Variants in GALNT7 observed in about 807,000 individuals in gnomAD.
GALNT7 encodes polypeptide N-acetylgalactosaminyltransferase 7.
Under a neutral mutation model 82.1 loss-of-function variants are expected in GALNT7, and 60 were observed. The ratio of observed to expected loss-of-function variants is 0.73; its 90% CI spans 0.59 to 0.91. GALNT7 has a LOEUF of 0.91. GALNT7 is among the 40% of genes least tolerant of loss of function. GALNT7 has a pLI of 0.00. For synonymous variants in GALNT7, 243 were observed against 275.1 expected (o/e 0.88, Z 1.15); for missense variants, 660 against 804.2 (o/e 0.82, Z 2.17).
In GALNT7 at chr4:173,320,431, C is replaced by CA. The variant is rs575479933; in HGVS notation, c.1837-1143dup. On this transcript the variant is annotated intron_variant, in intron 11 of 11. Transcript: ENST00000265000. This position sits in a 1 kb window ranked among gnomAD's most constrained non-coding sequence, Gnocchi z 4.1. ...AATGAAAAATAACTATGTTTACCCACAAAAAATAGTGAGAAGAATGGAATT... is the reference window on the plus strand; with the variant it reads ...AATGAAAAATAACTATGTTTACCCACAAAAAAATAGTGAGAAGAATGGAATT... Among the ~76,000 whole-genome samples the CA allele has an allele frequency of 6.9e-3, 1,055 of 152,180 alleles. 6 individuals carry two copies. The highest frequency in any genetic ancestry group is 0.019 in the South Asian group (92 of 4,824).
intron 1 of GALNT7, among the ~76,000 whole-genome samples, chr4:173,220,798 A>G (rs1382714759): frequency 1.3e-5 from 2 of 151,928 alleles, no homozygotes; most frequent in Admixed American, 1.3e-4. Context: ...GATAATTTCC[A>G]ACTTCATCCA....
At chr4:173,309,049 A>G (rs185587977) in intron 8 of GALNT7, among the ~76,000 whole-genome samples, 4 of 152,264 alleles carry the variant, frequency 2.6e-5, no homozygotes, top group East Asian at 3.8e-4. Context: ...TTGATAATCT[A>G]TATTTTACCA....
intron 1 of GALNT7, among the ~76,000 whole-genome samples, chr4:173,224,809 C>CGG (rs1733758308): frequency 6.6e-6 from 1 of 151,480 alleles, no homozygotes; most frequent in Non-Finnish European, 1.5e-5. Context: ...TCAGGAGATC[C>CGG]AGACCATCCT....
chr4:173,283,846 A>C (rs1456399332), intron 2 of GALNT7, among the ~76,000 whole-genome samples: 2 of 152,198 alleles, frequency 1.3e-5, no homozygotes, highest in African/African-American at 4.8e-5. Flanking sequence ...TTGTTGCAAA[A>C]TAAAGTAGAT....
intron 1 of GALNT7, among the ~76,000 whole-genome samples, chr4:173,183,967 C>T (rs1364604325): frequency 3.4e-4 from 52 of 151,176 alleles, no homozygotes; most frequent in Admixed American, 5.9e-4. Flanking sequence ...GACGGGGTCG[C>T]GGCCGGGCAG....
At chr4:173,263,833 T>C (rs1362488945) in intron 2 of GALNT7, among the ~76,000 whole-genome samples, 1 of 152,142 alleles carries the variant, frequency 6.6e-6, no homozygotes, top group Non-Finnish European at 1.5e-5. Context: ...TTTTTTAAAG[T>C]CTAGAGATAG....
intron 1 of GALNT7, among the ~76,000 whole-genome samples, chr4:173,210,710 G>C (rs28601896): frequency 6.6e-6 from 1 of 152,084 alleles, no homozygotes; most frequent in East Asian, 1.9e-4. Context: ...AGGATTGCAG[G>C]GGTGAGCCAC....
rs114783567 is a variant in GALNT7 at position 173,251,732 on chromosome 4, G to A, written c.587+3292G>A. Among the ~76,000 whole-genome samples, 1,183 of 152,246 alleles carry A rather than the reference G, an allele frequency of 7.8e-3. 14 individuals carry two copies. Among genetic ancestry groups the A allele is most frequent in the African/African-American group, 0.027 (1,105 of 41,528 alleles). On this transcript the variant is annotated intron_variant, in intron 2 of 11. Coordinates refer to ENST00000265000, the MANE Select transcript of GALNT7 (RefSeq NM_017423.3). Reference sequence around the variant, plus strand: ...TTTCCTCTGGCACAACTGGAGCAGTGCCTAGAAATAGGACATTGCATGTTT... The same window carrying A: ...TTTCCTCTGGCACAACTGGAGCAGTACCTAGAAATAGGACATTGCATGTTT...
intron 1 of GALNT7, among the ~76,000 whole-genome samples, chr4:173,183,688 C>G (rs556498614): frequency 2.0e-5 from 3 of 151,790 alleles, no homozygotes; most frequent in African/African-American, 4.8e-5. Context: ...ACGGGGCGGC[C>G]GGGCAGAAGC....
At chr4:173,211,805 C>G (rs1733292738) in intron 1 of GALNT7, among the ~76,000 whole-genome samples, 1 of 152,158 alleles carries the variant, frequency 6.6e-6, no homozygotes, top group African/African-American at 2.4e-5. Context: ...TTTTCTGAAA[C>G]TGCTTTTAAA....
At chr4:173,252,490 A>G (rs1411719083) in intron 2 of GALNT7, among the ~76,000 whole-genome samples, 1 of 152,134 alleles carries the variant, frequency 6.6e-6, no homozygotes, top group Non-Finnish European at 1.5e-5. Context: ...TCTTCCCTAG[A>G]AGCAGGAGAG....
intron 1 of GALNT7, among the ~76,000 whole-genome samples, chr4:173,197,952 C>T (rs903601916): frequency 1.3e-5 from 2 of 152,170 alleles, no homozygotes; most frequent in Admixed American, 6.5e-5. Context: ...CCCAGGGCTG[C>T]CATGAGGGTT....
chr4:173,176,924 C>T (rs1018375096), intron 1 of GALNT7, among the ~76,000 whole-genome samples: 3 of 151,976 alleles, frequency 2.0e-5, no homozygotes, highest in Admixed American at 6.6e-5. Flanking sequence ...GAATTATGTC[C>T]GAAGGATATA....
At chr4:173,245,669 A>G (rs964348649) in intron 1 of GALNT7, among the ~76,000 whole-genome samples, 17 of 152,206 alleles carry the variant, frequency 1.1e-4, no homozygotes, top group Non-Finnish European at 2.2e-4. Flanking sequence ...ATATCTCTAT[A>G]TTAATTTACT....
At chr4:173,201,035 A>G (rs1732929314) in intron 1 of GALNT7, among the ~76,000 whole-genome samples, 1 of 152,230 alleles carries the variant, frequency 6.6e-6, no homozygotes, top group Non-Finnish European at 1.5e-5. Flanking sequence ...TATCCATCAC[A>G]AATAAATGTG....
At chr4:173,182,311 TTAAGG>T (rs1440537167) in intron 1 of GALNT7, among the ~76,000 whole-genome samples, 6 of 152,218 alleles carry the variant, frequency 3.9e-5, no homozygotes, top group African/African-American at 7.2e-5. Context: ...ATTAGAAAAC[TTAAGG>T]TAAGAGCAAA....
At chr4:173,235,712 C>A (rs1734202438) in intron 1 of GALNT7, among the ~76,000 whole-genome samples, 1 of 152,104 alleles carries the variant, frequency 6.6e-6, no homozygotes, top group African/African-American at 2.4e-5. Flanking sequence ...CCCACCACCA[C>A]GCCCAGCTAA....
intron 1 of GALNT7, among the ~76,000 whole-genome samples, chr4:173,239,453 C>T (rs1164793124): frequency 6.6e-6 from 1 of 152,128 alleles, no homozygotes; most frequent in Non-Finnish European, 1.5e-5. Context: ...CTCAAAGAGC[C>T]CTCACTTTGA....
chr4:173,221,251 A>T lies in GALNT7; in HGVS notation c.127-26729A>T, dbSNP rs551862592. Among the ~76,000 whole-genome samples, 307 of 152,274 alleles carry T rather than the reference A, an allele frequency of 2.0e-3. 1 individual carries two copies. Among genetic ancestry groups the T allele is most frequent in the African/African-American group, 7.1e-3 (295 of 41,546 alleles). ...TTTGATTTGCATTTCTCTGATGGCC[A>T]GTGATGGTGAGCATTTTTTCATTTG... On this transcript the variant is annotated intron_variant, in intron 1 of 11. Coordinates refer to ENST00000265000, the MANE Select transcript of GALNT7 (RefSeq NM_017423.3).
Sources: allele counts gnomAD v4.1 joint callset (sites outside exome capture counted in the v4.1 genomes callset), GRCh38; gene constraint gnomAD v4.1.1; non-coding constraint Gnocchi (gnomAD v3.1); transcripts MANE v1.5; gene names NCBI Gene and HGNC (gene_info 2026-07-23, HGNC 2026-07-21).